Variants in XKR4 observed in about 807,000 individuals in gnomAD.
XKR4 encodes the protein XK-related protein 4.
In XKR4, 12 loss-of-function variants were observed where a neutral mutation model predicts 53.9. The ratio of observed to expected loss-of-function variants is 0.22; its 90% CI spans 0.14 to 0.36. The LOEUF is 0.36. Ranked by LOEUF, XKR4 falls within the 10% of genes least tolerant of loss-of-function variation. The pLI is 1.00. For missense variants in XKR4, 799 were observed against 859.5 expected, an observed-to-expected ratio of 0.93 and a Z score of 0.88; for synonymous variants, 354 against 362.4, an observed-to-expected ratio of 0.98 and a Z score of 0.26.
At chr8:55,493,739 C>T (rs1471295822) in intron 2 of XKR4, among the ~76,000 whole-genome samples, 3 of 152,226 alleles carry the variant, frequency 2.0e-5, no homozygotes, top group African/African-American at 7.2e-5. Flanking sequence ...GCTAACCATA[C>T]AGGAACAGAC....
At position 55,150,546 on chromosome 8, in the gene XKR4, A is replaced by G. The variant is rs776044780; in HGVS notation, c.806+47252A>G. Among the ~76,000 whole-genome samples the G allele has an allele frequency of 1.5e-4, 23 of 151,918 alleles. No individual in the cohort carries two copies. The East Asian group carries it at 4.5e-3, about 29-fold the overall frequency. On this transcript the variant is annotated intron_variant, in intron 1 of 2. Transcript: ENST00000327381. Reference sequence around the variant, plus strand: ...TCATAACTCTCCCATTCCTCAGCTCACCCCCGGAACCCTGCCAGGGCCCTC... The same window carrying G: ...TCATAACTCTCCCATTCCTCAGCTCGCCCCCGGAACCCTGCCAGGGCCCTC...
chr8:55,518,054 AAGAC>A (rs1806741829), intron 2 of XKR4, among the ~76,000 whole-genome samples: 1 of 152,194 alleles, frequency 6.6e-6, no homozygotes, highest in Non-Finnish European at 1.5e-5. Flanking sequence ...GAGAAAGAAA[AAGAC>A]AGGCTCATTC....
chr8:55,473,879 C>A (rs1805932106), intron 2 of XKR4, among the ~76,000 whole-genome samples: 1 of 150,484 alleles, frequency 6.6e-6, no homozygotes, highest in African/African-American at 2.5e-5. Context: ...CCCCACCTTC[C>A]TCCCTCCTTC....
At chr8:55,500,213 A>G (rs527622120) in intron 2 of XKR4, among the ~76,000 whole-genome samples, 20 of 150,176 alleles carry the variant, frequency 1.3e-4, no homozygotes, top group African/African-American at 4.9e-4. Flanking sequence ...AAACAATGTA[A>G]CAAGAACATT....
chr8:55,250,566 G>T (rs1367996387), intron 1 of XKR4, among the ~76,000 whole-genome samples: 2 of 152,170 alleles, frequency 1.3e-5, no homozygotes, highest in Non-Finnish European at 2.9e-5. Context: ...CCTGACCCAT[G>T]CTTCTCATTT....
intron 1 of XKR4, among the ~76,000 whole-genome samples, chr8:55,304,619 T>C (rs952811182): frequency 1.3e-5 from 2 of 152,152 alleles, no homozygotes; most frequent in African/African-American, 4.8e-5. Context: ...CCATTATTAT[T>C]GTGTGGGAGT....
At chr8:55,515,424 C>A (rs1004697191) in intron 2 of XKR4, among the ~76,000 whole-genome samples, 2 of 151,986 alleles carry the variant, frequency 1.3e-5, no homozygotes, top group Admixed American at 1.3e-4. Flanking sequence ...TTATTACCTT[C>A]CTTCAACTAG....
intron 1 of XKR4, among the ~76,000 whole-genome samples, chr8:55,146,899 G>T (rs1816777886): frequency 6.6e-6 from 1 of 152,186 alleles, no homozygotes; most frequent in African/African-American, 2.4e-5. Context: ...AGCTGCTTCT[G>T]CCCACGCTGG....
At chr8:55,490,055 A>T (rs1806249863) in intron 2 of XKR4, among the ~76,000 whole-genome samples, 1 of 152,168 alleles carries the variant, frequency 6.6e-6, no homozygotes, top group East Asian at 1.9e-4. Flanking sequence ...TCCATTTTAT[A>T]TTTACCTAAT....
chr8:55,327,319 A>G (rs1020610863), intron 1 of XKR4, among the ~76,000 whole-genome samples: 1 of 152,072 alleles, frequency 6.6e-6, no homozygotes, highest in Admixed American at 6.5e-5. Context: ...TTTATAATAT[A>G]TGCTCAAAAT....
At chr8:55,258,854 A>G (rs1818475166) in intron 1 of XKR4, among the ~76,000 whole-genome samples, 1 of 152,164 alleles carries the variant, frequency 6.6e-6, no homozygotes, top group African/African-American at 2.4e-5. Flanking sequence ...CCCCAGAAAG[A>G]GAATGTGCAG....
intron 2 of XKR4, among the ~76,000 whole-genome samples, chr8:55,427,893 C>A (rs751868766): frequency 1.3e-4 from 20 of 152,124 alleles, no homozygotes; most frequent in Admixed American, 3.3e-4. Flanking sequence ...TAATCATTAC[C>A]CTAATCTGCA....
At chr8:55,138,964 C>T (rs952939385) in intron 1 of XKR4, among the ~76,000 whole-genome samples, 5 of 152,158 alleles carry the variant, frequency 3.3e-5, no homozygotes, top group Non-Finnish European at 7.3e-5. Flanking sequence ...TCAGTGACCA[C>T]CCTTAAGTAA....
At chr8:55,384,700 A>C (rs1278017477) in intron 2 of XKR4, among the ~76,000 whole-genome samples, 1 of 152,246 alleles carries the variant, frequency 6.6e-6, no homozygotes, top group Non-Finnish European at 1.5e-5. Context: ...TAAACAGGGA[A>C]TTAGGAATAA....
chr8:55,370,396 C>T (rs1295231708), intron 2 of XKR4, among the ~76,000 whole-genome samples: 1 of 152,130 alleles, frequency 6.6e-6, no homozygotes, highest in African/African-American at 2.4e-5. Flanking sequence ...CTAATTTCTT[C>T]CCTTGTTACT....
At chr8:55,434,482 A>T (rs1805147403) in intron 2 of XKR4, among the ~76,000 whole-genome samples, 1 of 151,460 alleles carries the variant, frequency 6.6e-6, no homozygotes, top group Non-Finnish European at 1.5e-5. Flanking sequence ...ATATTAGTTA[A>T]TTGGATAAAA....
At chr8:55,183,616 A>G (rs1159024216) in intron 1 of XKR4, among the ~76,000 whole-genome samples, 1 of 152,040 alleles carries the variant, frequency 6.6e-6, no homozygotes, top group African/African-American at 2.4e-5. Flanking sequence ...TATGATTTCT[A>G]TTATTTTAAA....
chr8:55,505,187 T>C (rs1224869541), intron 2 of XKR4, among the ~76,000 whole-genome samples: 3 of 152,196 alleles, frequency 2.0e-5, no homozygotes, highest in Non-Finnish European at 2.9e-5. Context: ...TTTATATCTA[T>C]AGATGTTTTA....
chr8:55,530,684 C>T lies in XKR4; in HGVS notation c.*6457C>T, dbSNP rs1806939296. On this transcript the variant is annotated 3_prime_UTR_variant, in exon 3 of 3. Coordinates refer to ENST00000327381, the MANE Select transcript of XKR4 (RefSeq NM_052898.2). ...GTATTAAAATACAAGTAACTATCTT[C>T]CTACTTTGATTTAAGAGATCTTTAT... is the stretch of plus-strand genomic sequence containing the variant. The T allele has an allele frequency of 6.6e-6, 1 of 152,268 alleles. No homozygotes were observed. The highest frequency in any genetic ancestry group is 1.9e-4 in the East Asian group (1 of 5,190). The allele number at this position is 152,268 out of a possible 1,614,324, so 9.4% of individuals were successfully genotyped here. A position where few individuals can be genotyped will look rare whatever the true frequency, so the allele number is the denominator to read the frequency against.
Sources: gnomAD v4.1 joint callset for allele counts (sites outside exome capture counted in the v4.1 genomes callset) on GRCh38, gnomAD v4.1.1 for gene constraint, MANE v1.5 for transcripts, NCBI Gene and HGNC (gene_info 2026-07-23, HGNC 2026-07-21) for gene names.